HGSNAT: variants seen among roughly 807,000 people sequenced by gnomAD.
HGSNAT encodes transmembrane protein 76.
A neutral mutation model predicts 85.2 loss-of-function variants in HGSNAT; 59 were observed. The ratio of observed to expected loss-of-function variants is 0.69; its 90% confidence interval spans 0.56 to 0.86. HGSNAT has a LOEUF of 0.86. Ranked by LOEUF, HGSNAT falls within the 40% of genes least tolerant of loss-of-function variation. The pLI is 0.00. For synonymous variants in HGSNAT, 321 were observed against 304.5 expected (o/e 1.05, Z -0.56); for missense variants, 756 against 777.1 (o/e 0.97, Z 0.32).
rs967141527 is a variant in HGSNAT, at chr8:43,143,669, C to G, written c.118+3055C>G. ...TCTCCTGACTCAGCCTCCCGAGTAG[C>G]TGGGACTATAGGCACCCACCATCAC... On this transcript the variant is annotated intron_variant, in intron 1 of 17. Transcript: ENST00000379644. 3.3e-5 allele frequency among the ~76,000 whole-genome samples: 5 copies of G among 151,898 alleles called. No homozygotes were observed. The South Asian group carries it at 8.3e-4, about 25-fold the overall frequency.
chr8:43,164,627 A>G (rs1207403165), intron 5 of HGSNAT, among the ~76,000 whole-genome samples: 1 of 152,112 alleles, frequency 6.6e-6, no homozygotes, highest in Non-Finnish European at 1.5e-5. Flanking sequence ...CTAAAAATAG[A>G]AAAATTAGCT....
intron 11 of HGSNAT, among the ~76,000 whole-genome samples, chr8:43,184,949 A>T (rs1205037403): frequency 6.6e-6 from 1 of 152,010 alleles, no homozygotes; most frequent in Non-Finnish European, 1.5e-5. Flanking sequence ...ATGGTTGTAG[A>T]TGTGTGGTAT....
Position 43,202,846 on chromosome 8 carries a change from G to T in HGSNAT, c.*3277G>T, listed in dbSNP as rs1420134224. ...AAATGGACTTTGAGTAAATTTCTTA[G>T]CATATCAAACTGCCTTTCACAAACA... On this transcript the variant is annotated 3_prime_UTR_variant, in exon 18 of 18. Transcript: ENST00000379644. 3 of 152,278 alleles carry T rather than the reference G, an allele frequency of 2.0e-5. No individual in the cohort carries two copies. The highest frequency in any genetic ancestry group is 3.4e-3 in the Middle Eastern group (1 of 294). The allele number at this position is 152,278 out of a possible 1,614,324, so 9.4% of individuals were successfully genotyped here. A position where few individuals can be genotyped will look rare whatever the true frequency, so the allele number is the denominator to read the frequency against.
chr8:43,171,333 G>A (rs1456908972), intron 7 of HGSNAT, among the ~76,000 whole-genome samples: 1 of 152,188 alleles, frequency 6.6e-6, no homozygotes, highest in Non-Finnish European at 1.5e-5. Context: ...AGGTAGATTG[G>A]AAGCAGGTAG....
chr8:43,197,609 G>A (rs1043513377), intron 15 of HGSNAT, 63 bp from the exon 16 acceptor site: 1 of 1,247,812 alleles, frequency 8.0e-7, no homozygotes, highest in Admixed American at 1.7e-5. Context: ...TATTGGTGTT[G>A]AAACCAAGTG....
In HGSNAT at chr8:43,167,184, A is replaced by G. The variant is rs140159229; in HGVS notation, c.564-1989A>G. 4.3e-3 allele frequency among the ~76,000 whole-genome samples: 662 copies of G among 152,348 alleles called. 4 individuals are homozygous for G. The highest frequency in any genetic ancestry group is 0.015 in the African/African-American group (633 of 41,574). On this transcript the variant is annotated intron_variant, in intron 5 of 17. Transcript: ENST00000379644. The stretch of plus-strand genomic sequence containing the variant: ...TGTGAACATTGCTGAGATGACAACA[A>G]AGGATTTAGAATATCACATAAATGT...
intron 8 of HGSNAT, among the ~76,000 whole-genome samples, chr8:43,173,144 A>G (rs1803686151): frequency 6.6e-6 from 1 of 151,758 alleles, no homozygotes; most frequent in Non-Finnish European, 1.5e-5. Flanking sequence ...GCCACCATAC[A>G]TGGCTAGTTT....
intron 2 of HGSNAT, among the ~76,000 whole-genome samples, chr8:43,153,399 G>A (rs1026816811): frequency 6.6e-6 from 1 of 151,714 alleles, no homozygotes; most frequent in South Asian, 2.1e-4. Context: ...CATATTTATG[G>A]GGTACAGTAT....
intron 13 of HGSNAT, among the ~76,000 whole-genome samples, chr8:43,193,202 G>A (rs917155457): frequency 1.3e-5 from 2 of 152,204 alleles, no homozygotes; most frequent in Non-Finnish European, 2.9e-5. Context: ...AGCAGCTGGA[G>A]GAATGAAGGT....
chr8:43,148,944 C>T lies in HGSNAT; in HGVS notation c.234+1881C>T, dbSNP rs529247993. ...CAGCCTGGCCAGCATGGTGAAACCC[C>T]GACTCTACTAAAAATACAAAAATTA... On this transcript the variant is annotated intron_variant, in intron 2 of 17. Coordinates refer to ENST00000379644, the MANE Select transcript of HGSNAT (RefSeq NM_152419.3). 2.5e-3 allele frequency among the ~76,000 whole-genome samples: 380 copies of T among 151,288 alleles called. 2 individuals are homozygous for T. The highest frequency in any genetic ancestry group is 0.011 in the South Asian group (52 of 4,790).
intron 4 of HGSNAT, among the ~76,000 whole-genome samples, chr8:43,160,610 A>G (rs1232153740): frequency 6.6e-6 from 1 of 152,240 alleles, no homozygotes; most frequent in African/African-American, 2.4e-5. Context: ...CCTAAACCCT[A>G]AACTGTAAAA....
At chr8:43,181,394 T>G (rs1278164315) in intron 10 of HGSNAT, among the ~76,000 whole-genome samples, 1 of 151,920 alleles carries the variant, frequency 6.6e-6, no homozygotes, top group Non-Finnish European at 1.5e-5. Context: ...CCCTCTGCTT[T>G]GAATGAGTAT....
At chr8:43,191,087 A>C (rs1804511819) in intron 11 of HGSNAT, among the ~76,000 whole-genome samples, 1 of 152,228 alleles carries the variant, frequency 6.6e-6, no homozygotes, top group Non-Finnish European at 1.5e-5. Flanking sequence ...ACTTCCTTCC[A>C]AAATTGCTGA....
At chr8:43,183,373 C>T (rs13266139) in intron 11 of HGSNAT, among the ~76,000 whole-genome samples, 6,858 of 151,974 alleles carry the variant, frequency 0.045, 203 homozygotes, top group South Asian at 0.078. Flanking sequence ...CACTGTGTTG[C>T]CCAGGCTGGT....
chr8:43,183,576 T>G (rs1434242988), intron 11 of HGSNAT, among the ~76,000 whole-genome samples: 2 of 151,684 alleles, frequency 1.3e-5, no homozygotes. Flanking sequence ...GTTCACGCCG[T>G]TCTCCTGTCT....
Position 43,158,440 on chromosome 8 carries a change from T to C in HGSNAT, c.235-135T>C, listed in dbSNP as rs764466608. The C allele has an allele frequency of 1.8e-4, 154 of 877,514 alleles. 1 individual carries two copies. The highest frequency in any genetic ancestry group is 1.4e-3 in the South Asian group (84 of 59,704). 54.4% of individuals were successfully genotyped at this position (877,514 alleles called of 1,614,324 possible). ...CAAAATAATAGGTAAATTTAAATTA[T>C]TGAAATGTAGAGGTTTTTTTATAAG... On this transcript the variant is annotated intron_variant, in intron 2 of 17. Coordinates refer to ENST00000379644, the MANE Select transcript of HGSNAT (RefSeq NM_152419.3).
intron 9 of HGSNAT, among the ~76,000 whole-genome samples, chr8:43,175,211 T>C (rs1346092997): frequency 6.6e-6 from 1 of 152,208 alleles, no homozygotes; most frequent in African/African-American, 2.4e-5. Flanking sequence ...CTCTTCAATA[T>C]ACTGATTTCC....
At chr8:43,143,849 C>G (rs1437682621) in intron 1 of HGSNAT, among the ~76,000 whole-genome samples, 1 of 151,900 alleles carries the variant, frequency 6.6e-6, no homozygotes, top group African/African-American at 2.4e-5. Flanking sequence ...CCTGGCCCAC[C>G]AGGAGCTATT....
chr8:43,156,467 A>G (rs997198176), intron 2 of HGSNAT, among the ~76,000 whole-genome samples: 7 of 152,178 alleles, frequency 4.6e-5, no homozygotes, highest in Admixed American at 3.9e-4. Flanking sequence ...CACCATGCCC[A>G]GCTAATTTTT....
Sources: allele counts gnomAD v4.1 joint callset (sites outside exome capture counted in the v4.1 genomes callset), GRCh38; gene constraint gnomAD v4.1.1; transcripts MANE v1.5; gene names NCBI Gene and HGNC (gene_info 2026-07-23, HGNC 2026-07-21).